The following TTC6 variants were observed in gnomAD, a reference collection of about 807,000 sequenced individuals.
TTC6 encodes the protein tetratricopeptide repeat domain 6.
Under a neutral mutation model 210.4 loss-of-function variants are expected in TTC6, and 172 were observed. The observed-to-expected ratio is 0.82, with a 90% confidence interval of 0.72 to 0.93. The LOEUF (loss-of-function observed/expected upper bound fraction) is 0.93, where lower values mean the gene tolerates loss of function less well. TTC6 is among the 40% of genes least tolerant of loss of function. The pLI, the probability that TTC6 is intolerant of heterozygous loss-of-function variation, is 0.00. For missense variants in TTC6, 2,414 were observed against 2,318.1 expected, an observed-to-expected ratio of 1.04 and a Z score of -0.85; for synonymous variants, 804 against 819.6, an observed-to-expected ratio of 0.98 and a Z score of 0.32.
intron 6 of TTC6, among the ~76,000 whole-genome samples, chr14:37,718,622 C>T (rs1483550498): frequency 6.6e-6 from 1 of 152,122 alleles, no homozygotes; most frequent in Non-Finnish European, 1.5e-5. Flanking sequence ...ACATGACTGT[C>T]TACATAGAAA....
chr14:37,830,468 A>T (rs189550351), intron 29 of TTC6, among the ~76,000 whole-genome samples: 50 of 151,822 alleles, frequency 3.3e-4, no homozygotes, highest in Non-Finnish European at 4.9e-4. Flanking sequence ...TAGATGTTGT[A>T]TATTCCTTAA....
chr14:37,658,235 T>C (rs1165865479), intron 1 of TTC6, among the ~76,000 whole-genome samples: 1 of 152,228 alleles, frequency 6.6e-6, no homozygotes, highest in African/African-American at 2.4e-5. Context: ...ATAAAAGAAC[T>C]GTTCTTAGCT....
intron 26 of TTC6, among the ~76,000 whole-genome samples, chr14:37,821,023 C>CTCTTCTTCT (rs10599374): frequency 4.1e-5 from 6 of 145,362 alleles, no homozygotes; most frequent in Non-Finnish European, 9.0e-5. Flanking sequence ...CTTCTTCTTC[C>CTCTTCTTCT]TCTTCTTCTT....
intron 1 of TTC6, among the ~76,000 whole-genome samples, chr14:37,630,117 G>C (rs989050833): frequency 2.0e-5 from 3 of 151,992 alleles, no homozygotes; most frequent in Non-Finnish European, 2.9e-5. Context: ...CTTGTCTTCT[G>C]CTAGCTTTTA....
At chr14:37,610,675 T>C (rs1349037648) in intron 2 of TTC6, among the ~76,000 whole-genome samples, 1 of 152,220 alleles carries the variant, frequency 6.6e-6, no homozygotes, top group East Asian at 1.9e-4. Flanking sequence ...ACTGCCGTAG[T>C]ACTGCCTGCC....
chr14:37,606,812 T>C, intron 2 of TTC6, 70 bp downstream of exon 2: 25 of 980,836 alleles, frequency 2.5e-5, no homozygotes, highest in Non-Finnish European at 3.0e-5. Context: ...ACTCCTTCCC[T>C]GTCACCATCT....
At chr14:37,596,220 G>A (rs957216111) in intron 1 of TTC6, among the ~76,000 whole-genome samples, 1 of 152,228 alleles carries the variant, frequency 6.6e-6, no homozygotes, top group African/African-American at 2.4e-5. Flanking sequence ...TTCAGGGAGT[G>A]AGCTGGAGAC....
At chr14:37,805,019 G>A (rs1213680451) in intron 21 of TTC6, among the ~76,000 whole-genome samples, 6 of 152,070 alleles carry the variant, frequency 3.9e-5, no homozygotes, top group Non-Finnish European at 8.8e-5. Context: ...ATGCTTGTTT[G>A]TCAACAATAT....
At chr14:37,607,617 C>CTTTTTTTTT (rs71433907) in intron 2 of TTC6, among the ~76,000 whole-genome samples, 4 of 140,226 alleles carry the variant, frequency 2.9e-5, no homozygotes, top group Non-Finnish European at 3.1e-5. Flanking sequence ...AGTATTTAGT[C>CTTTTTTTTT]TTTTTTTTTT....
intron 7 of TTC6, among the ~76,000 whole-genome samples, chr14:37,732,766 C>T (rs921406974): frequency 1.3e-4 from 19 of 141,086 alleles, no homozygotes; most frequent in East Asian, 8.6e-4. Context: ...TACAGGCGCC[C>T]GCCACCACGC....
intron 10 of TTC6, among the ~76,000 whole-genome samples, chr14:37,741,159 C>T (rs933788789): frequency 1.3e-5 from 2 of 151,420 alleles, no homozygotes; most frequent in African/African-American, 4.9e-5. Flanking sequence ...TTAAAAAAAT[C>T]TTAATTCAAA....
chr14:37,788,508 A>T (rs561757151), intron 15 of TTC6, among the ~76,000 whole-genome samples: 3 of 152,210 alleles, frequency 2.0e-5, no homozygotes, highest in Non-Finnish European at 4.4e-5. Flanking sequence ...ATATTAAAAT[A>T]AAATAACTCA....
intron 1 of TTC6, among the ~76,000 whole-genome samples, chr14:37,635,717 G>A (rs976900790): frequency 2.6e-5 from 4 of 152,058 alleles, no homozygotes; most frequent in African/African-American, 7.2e-5. Context: ...GGTGGCTCAC[G>A]CCTGTAATCC....
At chr14:37,622,412 C>T (rs1194702777) in exon 1 of TTC6, 2 of 1,534,516 alleles carry the variant, frequency 1.3e-6, no homozygotes, top group East Asian at 2.5e-5. Flanking sequence ...GGTCGTTTCG[C>T]CCCCGGGACT....
intron 1 of TTC6, among the ~76,000 whole-genome samples, chr14:37,603,012 C>G (rs1330327948): frequency 6.6e-6 from 1 of 152,162 alleles, no homozygotes; most frequent in Non-Finnish European, 1.5e-5. Context: ...AAGCCCAGTG[C>G]TGGGGTTGAA....
intron 14 of TTC6, among the ~76,000 whole-genome samples, chr14:37,776,137 G>A (rs1250915574): frequency 4.5e-5 from 1 of 22,006 alleles, no homozygotes; most frequent in African/African-American, 1.3e-4. Context: ...TGCAAGCTCC[G>A]ATTCCCGGGT....
chr14:37,715,973 G>C (rs35470726), intron 6 of TTC6, among the ~76,000 whole-genome samples: 8,711 of 152,220 alleles, frequency 0.057, 384 homozygotes, highest in Non-Finnish European at 0.089. Context: ...AGTTTTCTAA[G>C]TTATGTTTGT....
At chr14:37,655,873 C>CT (rs71433911) in intron 1 of TTC6, among the ~76,000 whole-genome samples, 8,568 of 144,028 alleles carry the variant, frequency 0.059, 357 homozygotes, top group Non-Finnish European at 0.092. Flanking sequence ...TTGACTTCAG[C>CT]TTTTTTTTTT....
chr14:37,828,381 C>A (rs1220496759), intron 29 of TTC6, among the ~76,000 whole-genome samples: 1 of 151,926 alleles, frequency 6.6e-6, no homozygotes, highest in African/African-American at 2.4e-5. Flanking sequence ...TTCACCCTTT[C>A]ATTTATATTG....
Sources: allele counts gnomAD v4.1 joint callset (sites outside exome capture counted in the v4.1 genomes callset), GRCh38; gene constraint gnomAD v4.1.1; transcripts MANE v1.5; gene names NCBI Gene and HGNC (gene_info 2026-07-23, HGNC 2026-07-21).